Variants in GPC6 observed in about 807,000 individuals in gnomAD.
GPC6 encodes glypican 6.
In GPC6, 14 loss-of-function variants were observed where a neutral mutation model predicts 55.2. The observed-to-expected ratio is 0.25, with a 90% CI of 0.17 to 0.40. The LOEUF (loss-of-function observed/expected upper bound fraction) is 0.40. GPC6 is among the 10% of genes least tolerant of loss of function. The pLI, the probability that GPC6 is intolerant of heterozygous loss-of-function variation, is 1.00. For synonymous variants in GPC6, 278 were observed against 259.6 expected (o/e 1.07, Z -0.68); for missense variants, 641 against 708.5 (o/e 0.90, Z 1.08).
intron 2 of GPC6, among the ~76,000 whole-genome samples, chr13:93,569,445 A>C (rs973929278): frequency 2.0e-5 from 3 of 151,996 alleles, no homozygotes; most frequent in Non-Finnish European, 2.9e-5. Flanking sequence ...ATTTCAATCA[A>C]CTTCCTCATT....
intron 2 of GPC6, among the ~76,000 whole-genome samples, chr13:93,805,063 A>G (rs1886501402): frequency 6.6e-6 from 1 of 152,230 alleles, no homozygotes; most frequent in Admixed American, 6.6e-5. Context: ...CTTTAACAAA[A>G]AATTATAGCC....
intron 4 of GPC6, among the ~76,000 whole-genome samples, chr13:94,137,461 C>A (rs1566452706): frequency 6.6e-6 from 1 of 152,106 alleles, no homozygotes; most frequent in Non-Finnish European, 1.5e-5. Flanking sequence ...GAGAGACTCT[C>A]AAAGTGATAG....
intron 3 of GPC6, among the ~76,000 whole-genome samples, chr13:93,991,047 C>G (rs1881283298): frequency 6.6e-6 from 1 of 151,988 alleles, no homozygotes; most frequent in Non-Finnish European, 1.5e-5. Context: ...AAGCTTATTA[C>G]TTCATTGATT....
chr13:93,476,239 T>C (rs1431144550), intron 1 of GPC6, among the ~76,000 whole-genome samples: 3 of 152,150 alleles, frequency 2.0e-5, no homozygotes, highest in African/African-American at 7.2e-5. Context: ...TTTTCTGCAA[T>C]AGAAATTAGT....
At chr13:93,645,341 A>G (rs149753114) in intron 2 of GPC6, among the ~76,000 whole-genome samples, 132 of 152,210 alleles carry the variant, frequency 8.7e-4, no homozygotes, top group African/African-American at 3.1e-3. Context: ...TGCATTGGCA[A>G]TGCAGTAGGT....
intron 4 of GPC6, among the ~76,000 whole-genome samples, chr13:94,083,263 C>T (rs1346400589): frequency 2.6e-5 from 4 of 152,018 alleles, no homozygotes; most frequent in Admixed American, 6.5e-5. Context: ...GGACTACAGG[C>T]GCCCGCCACC....
At chr13:93,655,407 G>A (rs1488944271) in intron 2 of GPC6, among the ~76,000 whole-genome samples, 1 of 152,146 alleles carries the variant, frequency 6.6e-6, no homozygotes, top group African/African-American at 2.4e-5. Flanking sequence ...AGATGGTGCA[G>A]CTTTATAGCT....
In GPC6 at chr13:94,405,157, A is replaced by G. The variant is rs1488781431; in HGVS notation, c.*1940A>G. ...CACTTTTGCAAGACAGAAAGTATTT[A>G]CAAGCATCTATTGCTACTTTATGCC... On this transcript the variant is annotated 3_prime_UTR_variant, in exon 9 of 9. Coordinates refer to ENST00000377047, the MANE Select transcript of GPC6 (RefSeq NM_005708.5). The G allele has an allele frequency of 6.6e-6, 1 of 152,266 alleles. No individual in the cohort carries two copies. Among genetic ancestry groups the G allele is most frequent in the Admixed American group, 6.5e-5 (1 of 15,286 alleles). 9.4% of individuals were successfully genotyped at this position (152,266 alleles called of 1,614,324 possible). A position where few individuals can be genotyped will look rare whatever the true frequency, so the allele number is the denominator to read the frequency against.
chr13:93,687,061 A>G (rs986242178), intron 2 of GPC6, among the ~76,000 whole-genome samples: 22 of 152,176 alleles, frequency 1.4e-4, no homozygotes, highest in African/African-American at 4.6e-4. Context: ...TAATTAATCA[A>G]GTTCATTTTT....
intron 2 of GPC6, among the ~76,000 whole-genome samples, chr13:93,689,038 A>G (rs1009180091): frequency 1.3e-5 from 2 of 152,000 alleles, no homozygotes; most frequent in African/African-American, 4.8e-5. Flanking sequence ...CTCTATTTCT[A>G]CTATACTATA....
chr13:94,067,732 T>TA (rs892709660), intron 4 of GPC6, among the ~76,000 whole-genome samples: 2 of 152,148 alleles, frequency 1.3e-5, no homozygotes, highest in Non-Finnish European at 2.9e-5. Flanking sequence ...TGTGTGTGGC[T>TA]AAAAAATGTG....
intron 1 of GPC6, among the ~76,000 whole-genome samples, chr13:93,419,194 C>G (rs1490311439): frequency 3.3e-5 from 5 of 151,182 alleles, no homozygotes. Context: ...TACTTATATT[C>G]AGGTCAACAT....
chr13:93,741,219 A>G (rs776508368), intron 2 of GPC6, among the ~76,000 whole-genome samples: 1 of 133,122 alleles, frequency 7.5e-6, no homozygotes, highest in Admixed American at 9.3e-5. Flanking sequence ...GGTTCACGCC[A>G]TTCTCCTGCC....
At chr13:93,648,114 C>T (rs964103926) in intron 2 of GPC6, among the ~76,000 whole-genome samples, 2 of 152,064 alleles carry the variant, frequency 1.3e-5, no homozygotes, top group Non-Finnish European at 2.9e-5. Context: ...AAAGCCAGCC[C>T]CTCCACCTGG....
At chr13:93,742,149 A>G (rs1172372334) in intron 2 of GPC6, among the ~76,000 whole-genome samples, 5 of 152,226 alleles carry the variant, frequency 3.3e-5, no homozygotes, top group South Asian at 2.1e-4. Flanking sequence ...TGTGGTGTCT[A>G]TATTTTTATT....
chr13:93,544,733 C>T (rs1874684456), intron 1 of GPC6, among the ~76,000 whole-genome samples: 1 of 152,170 alleles, frequency 6.6e-6, no homozygotes, highest in Non-Finnish European at 1.5e-5. Flanking sequence ...TTCTGTCTGA[C>T]AAGAAATGTC....
intron 2 of GPC6, among the ~76,000 whole-genome samples, chr13:93,758,103 C>G (rs1884837403): frequency 6.6e-6 from 1 of 152,192 alleles, no homozygotes. Context: ...TATGGAAGTG[C>G]AACCACATTA....
intron 4 of GPC6, among the ~76,000 whole-genome samples, chr13:94,240,580 C>T (rs1262612334): frequency 6.6e-6 from 1 of 151,940 alleles, no homozygotes; most frequent in Non-Finnish European, 1.5e-5. Context: ...AAAGCAAATC[C>T]TTATCCTCTT....
At chr13:93,827,702 T>C (rs1301639116) in intron 2 of GPC6, among the ~76,000 whole-genome samples, 1 of 152,174 alleles carries the variant, frequency 6.6e-6, no homozygotes, top group Non-Finnish European at 1.5e-5. Flanking sequence ...GCTTGGAATC[T>C]AAGAAAATGT....
Sources: gnomAD v4.1 joint callset for allele counts (sites outside exome capture counted in the v4.1 genomes callset) on GRCh38, gnomAD v4.1.1 for gene constraint, MANE v1.5 for transcripts, NCBI Gene and HGNC (gene_info 2026-07-23, HGNC 2026-07-21) for gene names.